STX8: variants seen among roughly 807,000 people sequenced by gnomAD.
STX8 encodes the protein syntaxin 8.
Under a neutral mutation model 37.5 loss-of-function variants are expected in STX8, and 23 were observed. The observed-to-expected ratio is 0.61, with a 90% CI of 0.44 to 0.87. The LOEUF (loss-of-function observed/expected upper bound fraction) is 0.87, where lower values mean the gene tolerates loss of function less well. Among genes scored for constraint, STX8 ranks in the 40% least tolerant of loss-of-function variants. The pLI, the probability that STX8 is intolerant of heterozygous loss-of-function variation, is 0.00. For synonymous variants in STX8, 115 were observed against 99.1 expected (o/e 1.16, Z -0.95); for missense variants, 313 against 284.7 (o/e 1.10, Z -0.71).
intron 3 of STX8, among the ~76,000 whole-genome samples, chr17:9,551,882 C>G (rs991263669): frequency 2.7e-5 from 4 of 148,234 alleles, no homozygotes; most frequent in African/African-American, 7.5e-5. Context: ...GTAATATGTC[C>G]AAAAAAACTA....
chr17:9,519,384 T>A (rs12453131), intron 4 of STX8, among the ~76,000 whole-genome samples: 113,866 of 151,624 alleles, frequency 0.75, 44,504 homozygotes, highest in East Asian at 0.99. Context: ...TTGGTCTCCC[T>A]TCTAACCACA....
At chr17:9,429,469 C>G (rs1597665747) in intron 6 of STX8, among the ~76,000 whole-genome samples, 2 of 144,396 alleles carry the variant, frequency 1.4e-5, no homozygotes, top group African/African-American at 5.1e-5. Context: ...TTTGGGAGGC[C>G]TAGGCAGGCG....
At chr17:9,483,393 G>T (rs1597700367) in intron 6 of STX8, among the ~76,000 whole-genome samples, 2 of 152,264 alleles carry the variant, frequency 1.3e-5, no homozygotes, top group East Asian at 3.9e-4. Context: ...CGCACTTAGG[G>T]TTCACTGGGA....
chr17:9,575,242 G>A (rs1034641712), intron 1 of STX8, among the ~76,000 whole-genome samples: 1 of 152,278 alleles, frequency 6.6e-6, no homozygotes, highest in Non-Finnish European at 1.5e-5. Flanking sequence ...ACTCAAGAAA[G>A]TGCAAAATGC....
chr17:9,514,479 C>A (rs1905112533), intron 4 of STX8, among the ~76,000 whole-genome samples: 1 of 152,078 alleles, frequency 6.6e-6, no homozygotes, highest in Non-Finnish European at 1.5e-5. Context: ...GTGGCGGGCG[C>A]CTGTAATCCC....
intron 7 of STX8, among the ~76,000 whole-genome samples, chr17:9,339,555 G>A (rs1246403875): frequency 2.6e-5 from 4 of 152,168 alleles, no homozygotes; most frequent in Non-Finnish European, 5.9e-5. Flanking sequence ...TTGGGAGGCT[G>A]AGGCAGGGGA....
intron 6 of STX8, among the ~76,000 whole-genome samples, chr17:9,489,033 C>T (rs768358880): frequency 2.3e-4 from 35 of 152,184 alleles, no homozygotes; most frequent in African/African-American, 4.6e-4. Flanking sequence ...CCTGCCACCA[C>T]GCCCGGCTAA....
chr17:9,415,070 T>C (rs1335971037), intron 6 of STX8, among the ~76,000 whole-genome samples: 3 of 151,928 alleles, frequency 2.0e-5, no homozygotes, highest in African/African-American at 7.3e-5. Context: ...GGATTATAGG[T>C]GTGAGCCACC....
chr17:9,496,083 T>C (rs1904389672), intron 5 of STX8, among the ~76,000 whole-genome samples: 1 of 151,454 alleles, frequency 6.6e-6, no homozygotes, highest in African/African-American at 2.4e-5. Context: ...CTCTTTTTTT[T>C]TTTTTTTTTG....
At position 9,359,501 on chromosome 17, in the gene STX8, A is replaced by ATTTTTT. The variant is rs1567796890; in HGVS notation, c.643+19050_643+19051insAAAAAA. On this transcript the variant is annotated intron_variant, in intron 7 of 7. Transcript: ENST00000306357. ...TCCTGGTATTCCACAATGCTGAGAC[A>ATTTTTT]TATTTTTTTTTTTTTTTTTTTTTTG... Among the ~76,000 whole-genome samples, 3 of 111,644 alleles carry ATTTTTT rather than the reference A, an allele frequency of 2.7e-5. 1 individual carries two copies. Among genetic ancestry groups the ATTTTTT allele is most frequent in the Non-Finnish European group, 5.9e-5 (3 of 50,564 alleles). 73.2% of individuals were successfully genotyped at this position (111,644 alleles called of 152,430 possible).
At chr17:9,336,944 A>T (rs1910158222) in intron 7 of STX8, among the ~76,000 whole-genome samples, 1 of 152,192 alleles carries the variant, frequency 6.6e-6, no homozygotes, top group Non-Finnish European at 1.5e-5. Context: ...ATGAATGCCT[A>T]TTTCAATTCC....
At chr17:9,558,987 A>G (rs1277849923) in intron 2 of STX8, among the ~76,000 whole-genome samples, 2 of 152,188 alleles carry the variant, frequency 1.3e-5, no homozygotes, top group Non-Finnish European at 2.9e-5. Flanking sequence ...ATTTGTTCAC[A>G]TAGAAAGATA....
chr17:9,437,945 G>A (rs1904492331), intron 6 of STX8: 1 of 152,090 alleles, frequency 6.6e-6, no homozygotes, highest in African/African-American at 2.4e-5. Context: ...TTGAAATAAG[G>A]TATAAAAAGC....
chr17:9,361,411 G>A (rs8070753), intron 7 of STX8, among the ~76,000 whole-genome samples: 62,270 of 152,010 alleles, frequency 0.41, 13,767 homozygotes, highest in African/African-American at 0.58. Flanking sequence ...CATTAGATTA[G>A]ATAAGTCACA....
chr17:9,284,780 A>G (rs1430919988), intron 7 of STX8, among the ~76,000 whole-genome samples: 2 of 152,206 alleles, frequency 1.3e-5, no homozygotes, highest in Admixed American at 6.5e-5. Context: ...GAAAACTTCA[A>G]AAGTCCTAGA....
At chr17:9,386,589 A>C (rs1912023091) in intron 6 of STX8, among the ~76,000 whole-genome samples, 1 of 152,094 alleles carries the variant, frequency 6.6e-6, no homozygotes, top group Non-Finnish European at 1.5e-5. Context: ...GCAGGCAGGC[A>C]GGCAGGCAAG....
intron 7 of STX8, among the ~76,000 whole-genome samples, chr17:9,349,076 C>G (rs1910619001): frequency 6.6e-6 from 1 of 152,146 alleles, no homozygotes; most frequent in African/African-American, 2.4e-5. Flanking sequence ...ACTGCAACCT[C>G]TGCCTTCCGG....
At position 9,328,937 on chromosome 17, in the gene STX8, C is replaced by T. The variant is rs1597607627; in HGVS notation, c.643+49615G>A. Among the ~76,000 whole-genome samples, 3 of 151,120 alleles carry T rather than the reference C, an allele frequency of 2.0e-5. No homozygotes were observed. In the East Asian group the frequency reaches 5.9e-4, roughly 30 times the overall value. On this transcript the variant is annotated intron_variant, in intron 7 of 7. Transcript: ENST00000306357. ...TGGTGACAGGCACCTGTAGTCCCAG[C>T]TAGTCAGGAGTCTGAGGCAGAAGAA...
At chr17:9,346,413 C>T (rs1171649546) in intron 7 of STX8, among the ~76,000 whole-genome samples, 1 of 152,182 alleles carries the variant, frequency 6.6e-6, no homozygotes, top group Admixed American at 6.5e-5. Context: ...GTCCATCCCA[C>T]TTAACCTCAA....
Sources: gnomAD v4.1 joint callset for allele counts (sites outside exome capture counted in the v4.1 genomes callset) on GRCh38, gnomAD v4.1.1 for gene constraint, MANE v1.5 for transcripts, NCBI Gene and HGNC (gene_info 2026-07-23, HGNC 2026-07-21) for gene names.